The following RAB3IP variants were observed in gnomAD, a reference collection of about 807,000 sequenced individuals.
RAB3IP encodes RAB3A interacting protein.
Under a neutral mutation model 59.1 loss-of-function variants are expected in RAB3IP, and 36 were observed. The observed-to-expected ratio is 0.61, with a 90% CI of 0.47 to 0.80. The LOEUF (loss-of-function observed/expected upper bound fraction) is 0.80, where lower values mean the gene tolerates loss of function less well. Ranked by LOEUF, RAB3IP falls within the 30% of genes least tolerant of loss-of-function variation. The pLI, the probability that RAB3IP is intolerant of heterozygous loss-of-function variation, is 0.00. For synonymous variants in RAB3IP, 207 were observed against 191.2 expected (o/e 1.08, Z -0.68); for missense variants, 511 against 536.0 (o/e 0.95, Z 0.46).
intron 3 of RAB3IP, among the ~76,000 whole-genome samples, chr12:69,772,786 T>G (rs1873366205): frequency 6.6e-6 from 1 of 152,184 alleles, no homozygotes; most frequent in Admixed American, 6.5e-5. Context: ...TTTTAATAGT[T>G]TTGTCTTTTA....
intron 3 of RAB3IP, among the ~76,000 whole-genome samples, chr12:69,779,787 A>C (rs965784169): frequency 6.6e-6 from 1 of 151,388 alleles, no homozygotes; most frequent in Non-Finnish European, 1.5e-5. Flanking sequence ...TAACACAGCT[A>C]GTTTGATTTT....
chr12:69,742,737 A>C (rs139378111), intron 1 of RAB3IP, among the ~76,000 whole-genome samples: 28 of 152,222 alleles, frequency 1.8e-4, no homozygotes. Flanking sequence ...GAAGAGGAAG[A>C]TATTTATACA....
At position 69,790,153 on chromosome 12, in the gene RAB3IP, A is replaced by G. The variant is rs186856670; in HGVS notation, c.607-4284A>G. 8.4e-4 allele frequency among the ~76,000 whole-genome samples: 128 copies of G among 152,326 alleles called. 1 individual carries two copies. The highest frequency in any genetic ancestry group is 2.7e-3 in the African/African-American group (113 of 41,590). ...CTCTGTGTGCAGATGACATGATCAC[A>G]AGTGTAGAAAATTCTAAAGATTCAA... On this transcript the variant is annotated intron_variant, in intron 4 of 10. Coordinates refer to ENST00000247833, the MANE Select transcript of RAB3IP (RefSeq NM_022456.5).
chr12:69,747,296 G>A (rs2136105507), intron 1 of RAB3IP, among the ~76,000 whole-genome samples: 1 of 52,924 alleles, frequency 1.9e-5, no homozygotes, highest in Non-Finnish European at 3.7e-5. Context: ...GCCCTTTCGT[G>A]TGTGTGTGTG....
In RAB3IP at chr12:69,817,837, C is replaced by T. The variant is rs1881301521; in HGVS notation, c.*2391C>T. On this transcript the variant is annotated 3_prime_UTR_variant, in exon 11 of 11. Coordinates refer to ENST00000247833, the MANE Select transcript of RAB3IP (RefSeq NM_022456.5). Reference sequence around the variant, plus strand: ...GAGGCAATATCTGCAACATTTATAACTAGTAATAGCTTAGTATCAAGAATG... The same window carrying T: ...GAGGCAATATCTGCAACATTTATAATTAGTAATAGCTTAGTATCAAGAATG... 6.6e-6 allele frequency: 1 copy of T among 151,692 alleles called. No homozygotes were observed. Among genetic ancestry groups the T allele is most frequent in the African/African-American group, 2.4e-5 (1 of 41,282 alleles). 9.4% of individuals were successfully genotyped at this position (151,692 alleles called of 1,614,324 possible).
intron 3 of RAB3IP, among the ~76,000 whole-genome samples, chr12:69,758,915 G>T (rs1458364288): frequency 6.6e-6 from 1 of 151,012 alleles, no homozygotes; most frequent in African/African-American, 2.4e-5. Context: ...CATTGTTGAT[G>T]AGAAGCCAGC....
chr12:69,806,217 A>T (rs1879243460), intron 8 of RAB3IP, among the ~76,000 whole-genome samples: 2 of 152,134 alleles, frequency 1.3e-5, no homozygotes, highest in African/African-American at 2.4e-5. Flanking sequence ...TTCCTGGTTT[A>T]GTCTTGGGAG....
rs759004109 is a variant in RAB3IP at position 69,794,446 on chromosome 12, A to G, written c.616A>G (p.Lys206Glu). 1 of 1,611,278 alleles carries G rather than the reference A, an allele frequency of 6.2e-7. No homozygotes were observed. The highest frequency in any genetic ancestry group is 8.5e-7 in the Non-Finnish European group (1 of 1,178,708). ...LTASLFEEAH[K>E]MVREANIKQA... The stretch of plus-strand genomic sequence containing the variant: ...ATGTTAACTTTTTCAGGAAGCTCAT[A>G]AAATGGTGAGAGAAGCAAATATCAA... Residue 206 changes from lysine to glutamate, a missense_variant, in exon 5 of 11, where the codon AAA (lysine) becomes GAA (glutamate). Transcript: ENST00000247833.
chr12:69,740,797 A>G (rs527967015), intron 1 of RAB3IP, among the ~76,000 whole-genome samples: 2 of 152,242 alleles, frequency 1.3e-5, no homozygotes, highest in African/African-American at 4.8e-5. Context: ...GAAATGTTTC[A>G]CCCCCTCATT....
At chr12:69,755,703 A>G (rs752919217) in intron 2 of RAB3IP, 44 bp downstream of exon 2, 9 of 1,507,300 alleles carry the variant, frequency 6.0e-6, no homozygotes, top group African/African-American at 1.4e-5. Context: ...TTTAAAATGG[A>G]CAGTTTGCTT....
chr12:69,743,875 A>G (rs1431587630), intron 1 of RAB3IP, among the ~76,000 whole-genome samples: 3 of 117,010 alleles, frequency 2.6e-5, no homozygotes, highest in South Asian at 3.0e-4. Context: ...TTGTTTATTT[A>G]TTTAGTCAGT....
intron 1 of RAB3IP, among the ~76,000 whole-genome samples, chr12:69,740,039 T>G (rs1423952069): frequency 6.6e-6 from 1 of 152,176 alleles, no homozygotes; most frequent in Non-Finnish European, 1.5e-5. Flanking sequence ...TCTCTTGCAG[T>G]GGAATGATTG....
chr12:69,762,948 A>G (rs1355360724), intron 3 of RAB3IP, among the ~76,000 whole-genome samples: 1 of 151,938 alleles, frequency 6.6e-6, no homozygotes, highest in East Asian at 1.9e-4. Flanking sequence ...ATTAACAAAT[A>G]TTTTTTTATG....
chr12:69,751,782 CT>C (rs1869347647), intron 1 of RAB3IP, among the ~76,000 whole-genome samples: 1 of 151,984 alleles, frequency 6.6e-6, no homozygotes, highest in Non-Finnish European at 1.5e-5. Context: ...CGAAGTAGTT[CT>C]TTTCTGTGTG....
At chr12:69,786,076 G>C (rs186560288) in intron 4 of RAB3IP, among the ~76,000 whole-genome samples, 35 of 151,290 alleles carry the variant, frequency 2.3e-4, no homozygotes, top group Admixed American at 1.9e-3. Flanking sequence ...AATAAACTTG[G>C]GGGGGTGGAA....
intron 3 of RAB3IP, among the ~76,000 whole-genome samples, chr12:69,760,322 T>C (rs1871106750): frequency 6.6e-6 from 1 of 152,166 alleles, no homozygotes; most frequent in African/African-American, 2.4e-5. Context: ...TGAGCCAAGA[T>C]GGCAGCAGTA....
intron 4 of RAB3IP, among the ~76,000 whole-genome samples, chr12:69,785,407 C>A (rs1336074003): frequency 6.6e-6 from 1 of 152,146 alleles, no homozygotes; most frequent in Non-Finnish European, 1.5e-5. Context: ...GAGAGAGGGA[C>A]AGAGGCACTC....
At chr12:69,768,992 G>C (rs1170591538) in intron 3 of RAB3IP, among the ~76,000 whole-genome samples, 2 of 152,046 alleles carry the variant, frequency 1.3e-5, no homozygotes, top group Non-Finnish European at 2.9e-5. Context: ...TTGAATCATG[G>C]GGTCAGGTCT....
At position 69,756,648 on chromosome 12, in the gene RAB3IP, C is replaced by T. The variant is rs745853351; in HGVS notation, c.495C>T (p.Leu165=). The change falls in exon 3 of 11, where the codon CTC becomes CTT. Residue 165 remains leucine, a synonymous_variant. Transcript: ENST00000247833. ...GCTATGAACGATTAAAAGAAGAACT[C>T]GCAAAAGCTCAGAGGGTAAGAAAGA... is the stretch of plus-strand genomic sequence containing the variant. ...EKGYERLKEE[L]AKAQRELKLK... 29 of 1,613,028 alleles carry T rather than the reference C, an allele frequency of 1.8e-5. No homozygotes were observed. Among genetic ancestry groups the T allele is most frequent in the Admixed American group, 6.7e-5 (4 of 59,894 alleles).
Sources: gnomAD v4.1 joint callset for allele counts (sites outside exome capture counted in the v4.1 genomes callset) on GRCh38, gnomAD v4.1.1 for gene constraint, MANE v1.5 for transcripts, NCBI Gene and HGNC (gene_info 2026-07-23, HGNC 2026-07-21) for gene names.